The following DLGAP2 variants were observed in gnomAD, a reference collection of about 807,000 sequenced individuals.
The protein encoded by DLGAP2 is DLG associated protein 2.
A neutral mutation model predicts 100.3 loss-of-function variants in DLGAP2; 26 were observed. The observed-to-expected ratio is 0.26, with a 90% CI of 0.19 to 0.36. The LOEUF (loss-of-function observed/expected upper bound fraction) is 0.36, where lower values mean the gene tolerates loss of function less well. DLGAP2 is among the 10% of genes least tolerant of loss of function. DLGAP2 has a pLI of 1.00. For synonymous variants in DLGAP2, 886 were observed against 630.1 expected (o/e 1.41, Z -6.08); for missense variants, 1,858 against 1,453.2 (o/e 1.28, Z -4.53).
intron 6 of DLGAP2, chr8:1,604,639 C>T (rs1302872001): frequency 6.6e-6 from 1 of 152,238 alleles, no homozygotes; most frequent in Non-Finnish European, 1.5e-5. Context: ...TGCGGAAGAC[C>T]GTGATCCAGG....
At chr8:1,380,238 T>G (rs1366381537) in intron 3 of DLGAP2, 2 of 152,186 alleles carry the variant, frequency 1.3e-5, no homozygotes, top group East Asian at 3.8e-4. Flanking sequence ...AGCAAAGCGC[T>G]TTGCAGAGAC....
intron 1 of DLGAP2, among the ~76,000 whole-genome samples, chr8:757,985 C>G (rs1030959412): frequency 6.6e-6 from 1 of 152,166 alleles, no homozygotes; most frequent in African/African-American, 2.4e-5. Context: ...TGCTTGCTGC[C>G]TTTGAGCAGT....
At chr8:1,223,195 G>T (rs1264014027) in intron 2 of DLGAP2, among the ~76,000 whole-genome samples, 1 of 152,156 alleles carries the variant, frequency 6.6e-6, no homozygotes, top group Non-Finnish European at 1.5e-5. Context: ...ACAAGTCCTG[G>T]TGCCCAGCAA....
chr8:981,117 C>A (rs1800319554), intron 2 of DLGAP2, among the ~76,000 whole-genome samples: 1 of 152,128 alleles, frequency 6.6e-6, no homozygotes, highest in African/African-American at 2.4e-5. Flanking sequence ...AACCTACTGT[C>A]TGTCTCTCGG....
intron 3 of DLGAP2, among the ~76,000 whole-genome samples, chr8:1,288,656 G>T (rs1449412177): frequency 6.9e-6 from 1 of 144,180 alleles, no homozygotes; most frequent in Non-Finnish European, 1.5e-5. Flanking sequence ...TACGTAGTTA[G>T]GAGGGGAACT....
At position 1,702,372 on chromosome 8, in the gene DLGAP2, C is replaced by G. The variant is rs904794339; in HGVS notation, c.*966C>G. 6.8e-6 allele frequency: 1 copy of G among 147,410 alleles called. No homozygotes were observed. The highest frequency in any genetic ancestry group is 1.5e-5 in the Non-Finnish European group (1 of 66,226). 9.1% of individuals were successfully genotyped at this position (147,410 alleles called of 1,614,324 possible). Reference sequence around the variant, plus strand: ...TTTTCAGGGTATCCTTAAAAAAAAACACACACGAAAAACAAAAGTTTGCTT... The same window carrying G: ...TTTTCAGGGTATCCTTAAAAAAAAAGACACACGAAAAACAAAAGTTTGCTT... On this transcript the variant is annotated 3_prime_UTR_variant, in exon 15 of 15. Transcript: ENST00000637795.
chr8:1,289,938 A>G (rs1039085186), intron 3 of DLGAP2, among the ~76,000 whole-genome samples: 1 of 152,220 alleles, frequency 6.6e-6, no homozygotes, highest in Admixed American at 6.5e-5. Flanking sequence ...ATTGATACTC[A>G]AGACAGATCA....
intron 8 of DLGAP2, among the ~76,000 whole-genome samples, chr8:1,667,847 G>C (rs768072407): frequency 1.3e-5 from 2 of 152,216 alleles, no homozygotes; most frequent in East Asian, 3.9e-4. Context: ...GACACACCTT[G>C]CCTAGCTGTG....
In DLGAP2 at chr8:923,864, A is replaced by G. The variant is rs1206478335; in HGVS notation, c.73+15898A>G. Reference sequence around the variant, plus strand: ...AAGGTCTAAAGTTTATGAGATGCACACTCAAGTAATTTAGCTGCTGTGTGG... The same window carrying G: ...AAGGTCTAAAGTTTATGAGATGCACGCTCAAGTAATTTAGCTGCTGTGTGG... On this transcript the variant is annotated intron_variant, in intron 2 of 14. Transcript: ENST00000637795. 2.6e-5 allele frequency among the ~76,000 whole-genome samples: 4 copies of G among 152,318 alleles called. No individual in the cohort carries two copies. In the East Asian group the frequency reaches 7.7e-4, roughly 29 times the overall value.
At chr8:879,349 T>A (rs1470473879) in intron 1 of DLGAP2, among the ~76,000 whole-genome samples, 1 of 152,228 alleles carries the variant, frequency 6.6e-6, no homozygotes, top group African/African-American at 2.4e-5. Context: ...TGACACTGTC[T>A]GCTTGGGGAG....
intron 2 of DLGAP2, among the ~76,000 whole-genome samples, chr8:1,067,509 T>C (rs1803292131): frequency 1.3e-5 from 2 of 151,892 alleles, no homozygotes; most frequent in South Asian, 4.2e-4. Flanking sequence ...CGTGCCGTCC[T>C]CCACACGGGG....
chr8:787,803 C>T (rs1585863357), intron 1 of DLGAP2, among the ~76,000 whole-genome samples: 1 of 152,212 alleles, frequency 6.6e-6, no homozygotes, highest in East Asian at 1.9e-4. Flanking sequence ...ACTGGTGGTG[C>T]TGTTGGGGCT....
intron 2 of DLGAP2, among the ~76,000 whole-genome samples, chr8:1,224,410 T>C (rs188062521): frequency 2.4e-4 from 36 of 152,352 alleles, no homozygotes; most frequent in African/African-American, 7.9e-4. Flanking sequence ...TAAATAATTA[T>C]TGAATTAATA....
chr8:1,507,626 C>T (rs1443487676), intron 4 of DLGAP2, among the ~76,000 whole-genome samples: 1 of 152,160 alleles, frequency 6.6e-6, no homozygotes, highest in Non-Finnish European at 1.5e-5. Context: ...GGAGGAGGCG[C>T]CGGGAGTGAG....
At chr8:1,364,619 G>A (rs1021813142) in intron 3 of DLGAP2, among the ~76,000 whole-genome samples, 2 of 152,236 alleles carry the variant, frequency 1.3e-5, no homozygotes, top group African/African-American at 2.4e-5. Flanking sequence ...CCTCTTCAGT[G>A]GTTCTGTCAG....
At chr8:1,070,395 T>C (rs1278973619) in intron 2 of DLGAP2, among the ~76,000 whole-genome samples, 1 of 152,202 alleles carries the variant, frequency 6.6e-6, no homozygotes, top group Non-Finnish European at 1.5e-5. Context: ...TCGTGGTTCC[T>C]GAGGGAGGTG....
Position 1,183,230 on chromosome 8 carries a change from G to A in DLGAP2, c.74-75621G>A, listed in dbSNP as rs574024178. On this transcript the variant is annotated intron_variant, in intron 2 of 14. Coordinates refer to ENST00000637795, the MANE Select transcript of DLGAP2 (RefSeq NM_001346810.2). Reference sequence around the variant, plus strand: ...CGGAGCGGGGTCCTGGCGTGGAGGGGAGGAGAATGTGACAGACATGGAGGT... The same window carrying A: ...CGGAGCGGGGTCCTGGCGTGGAGGGAAGGAGAATGTGACAGACATGGAGGT... 6.6e-5 allele frequency among the ~76,000 whole-genome samples: 10 copies of A among 152,292 alleles called. No individual in the cohort carries two copies. The South Asian group carries it at 1.9e-3, about 28-fold the overall frequency.
chr8:949,691 AGTGTCCCCG>A lies in DLGAP2; in HGVS notation c.73+41728_73+41736del, dbSNP rs576105338. Among the ~76,000 whole-genome samples the A allele has an allele frequency of 2.8e-4, 42 of 152,260 alleles. 1 individual carries two copies. In the South Asian group the frequency reaches 8.5e-3, roughly 31 times the overall value. On this transcript the variant is annotated intron_variant, in intron 2 of 14. Transcript: ENST00000637795. ...ATGTCCTCGTTCCCACCCCCCTTGC[AGTGTCCCCG>A]GTTGTCCTCAGGTCAGTTCAGGGAC...
At chr8:1,167,142 A>T (rs1197664951) in intron 2 of DLGAP2, among the ~76,000 whole-genome samples, 1 of 152,132 alleles carries the variant, frequency 6.6e-6, no homozygotes, top group Non-Finnish European at 1.5e-5. Context: ...TCTCTAAAAG[A>T]AGAAAAAGAA....
Sources: allele counts gnomAD v4.1 joint callset (sites outside exome capture counted in the v4.1 genomes callset), GRCh38; gene constraint gnomAD v4.1.1; transcripts MANE v1.5; gene names NCBI Gene and HGNC (gene_info 2026-07-23, HGNC 2026-07-21).